SPHKAP: variants seen among roughly 807,000 people sequenced by gnomAD.
SPHKAP encodes SPHK1 interactor, AKAP domain containing, also known as A-kinase anchor protein SPHKAP.
A neutral mutation model predicts 137.5 loss-of-function variants in SPHKAP; 67 were observed. The observed-to-expected ratio is 0.49, with a 90% confidence interval of 0.40 to 0.60. The LOEUF is 0.60. Among genes scored for constraint, SPHKAP ranks in the 20% least tolerant of loss-of-function variants. The pLI, the probability that SPHKAP is intolerant of heterozygous loss-of-function variation, is 0.00. For missense variants in SPHKAP, 2,097 were observed against 2,069.3 expected, an observed-to-expected ratio of 1.01 and a Z score of -0.26; for synonymous variants, 813 against 785.3, an observed-to-expected ratio of 1.04 and a Z score of -0.59.
intron 3 of SPHKAP, among the ~76,000 whole-genome samples, chr2:228,091,907 C>A (rs1391872407): frequency 6.6e-6 from 1 of 152,000 alleles, no homozygotes; most frequent in African/African-American, 2.4e-5. Flanking sequence ...ATCCAGCAAT[C>A]CCACTACTGG....
At chr2:228,095,031 T>TGATAATCAATTTAA (rs1697936167) in intron 3 of SPHKAP, among the ~76,000 whole-genome samples, 1 of 152,198 alleles carries the variant, frequency 6.6e-6, no homozygotes, top group African/African-American at 2.4e-5. Flanking sequence ...AAAACAGCTT[T>TGATAATCAATTTAA]GATAATCAAT....
intron 2 of SPHKAP, among the ~76,000 whole-genome samples, chr2:228,117,110 T>C (rs1698737093): frequency 1.3e-5 from 2 of 152,150 alleles, no homozygotes; most frequent in South Asian, 2.1e-4. Flanking sequence ...CCACTATCTA[T>C]GAGTATTATG....
chr2:228,080,957 A>T (rs1431993769), intron 3 of SPHKAP, among the ~76,000 whole-genome samples: 2 of 152,144 alleles, frequency 1.3e-5, no homozygotes, highest in Admixed American at 1.3e-4. Context: ...AAAATTAAAA[A>T]TAGAATTACC....
intron 3 of SPHKAP, among the ~76,000 whole-genome samples, chr2:228,092,157 A>G (rs4286265): frequency 0.36 from 39,912 of 111,482 alleles, 6,028 homozygotes; most frequent in Admixed American, 0.44. Flanking sequence ...ATACATATAC[A>G]TATATGTGTG....
chr2:228,017,323 C>T lies in SPHKAP; in HGVS notation c.3531G>A (p.Arg1177=). The change falls in exon 7 of 12, where the codon AGG becomes AGA. Residue 1177 remains arginine, a synonymous_variant. Coordinates refer to ENST00000392056, the MANE Select transcript of SPHKAP (RefSeq NM_001142644.2). The part of the protein sequence containing the change: ...ACRKSDHLSV[R]PSCPSKQSST... ...TGGACTGCTTAGAGGGACAGCTAGG[C>T]CTCACACTGAGGTGGTCACTTTTCC... The T allele has an allele frequency of 1.2e-6, 2 of 1,613,790 alleles. No homozygotes were observed. Among genetic ancestry groups the T allele is most frequent in the South Asian group, 2.2e-5 (2 of 91,036 alleles).
chr2:228,011,669 C>T (rs1164437346), intron 7 of SPHKAP, among the ~76,000 whole-genome samples: 1 of 152,058 alleles, frequency 6.6e-6, no homozygotes, highest in Non-Finnish European at 1.5e-5. Context: ...ACCAAACATC[C>T]AAATCCATGG....
chr2:228,158,902 C>T (rs931631181), intron 1 of SPHKAP, among the ~76,000 whole-genome samples: 32 of 152,200 alleles, frequency 2.1e-4, no homozygotes, highest in African/African-American at 7.5e-4. Context: ...TCACCCCAAT[C>T]AAATACCAAA....
chr2:228,179,487 A>G (rs1489103494), intron 1 of SPHKAP, among the ~76,000 whole-genome samples: 1 of 152,230 alleles, frequency 6.6e-6, no homozygotes, highest in African/African-American at 2.4e-5. Context: ...ACAATGAAAT[A>G]GAGGATTGAA....
intron 3 of SPHKAP, among the ~76,000 whole-genome samples, chr2:228,097,300 A>T (rs141943565): frequency 2.6e-5 from 4 of 152,344 alleles, no homozygotes; most frequent in Non-Finnish European, 4.4e-5. Context: ...GAGAAATGGT[A>T]TAAAAACCCA....
At chr2:227,986,808 A>C (rs1693228755) in intron 11 of SPHKAP, among the ~76,000 whole-genome samples, 1 of 152,190 alleles carries the variant, frequency 6.6e-6, no homozygotes, top group Admixed American at 6.5e-5. Context: ...ATACCAATTT[A>C]CTGTGAGAGG....
intron 3 of SPHKAP, among the ~76,000 whole-genome samples, chr2:228,053,783 T>C (rs1219713441): frequency 6.6e-6 from 1 of 152,222 alleles, no homozygotes; most frequent in Non-Finnish European, 1.5e-5. Context: ...GTAATGTATT[T>C]AGCATTCTTA....
At chr2:227,983,814 A>C (rs1693099555) in intron 11 of SPHKAP, among the ~76,000 whole-genome samples, 1 of 152,214 alleles carries the variant, frequency 6.6e-6, no homozygotes, top group Non-Finnish European at 1.5e-5. Context: ...AGATCTAGGA[A>C]AAGGCTGAAC....
intron 3 of SPHKAP, among the ~76,000 whole-genome samples, chr2:228,082,577 C>T (rs528450491): frequency 1.3e-5 from 2 of 152,264 alleles, no homozygotes; most frequent in South Asian, 4.1e-4. Context: ...ATTAAGGGAT[C>T]CTCTGTCTTT....
intron 1 of SPHKAP, among the ~76,000 whole-genome samples, chr2:228,135,719 T>C (rs1699419196): frequency 6.6e-6 from 1 of 152,198 alleles, no homozygotes; most frequent in African/African-American, 2.4e-5. Context: ...TAAATTTAAC[T>C]ATATATATGC....
chr2:228,109,512 G>T, intron 2 of SPHKAP: 1 of 281,010 alleles, frequency 3.6e-6, no homozygotes, highest in Non-Finnish European at 5.4e-6. Context: ...AGCACGGTAT[G>T]GCAAAAATAA....
At chr2:228,074,014 A>G (rs1183947881) in intron 3 of SPHKAP, among the ~76,000 whole-genome samples, 3 of 152,224 alleles carry the variant, frequency 2.0e-5, no homozygotes, top group Non-Finnish European at 4.4e-5. Flanking sequence ...CAATAAATTG[A>G]AGCAGGTTCA....
chr2:228,016,607 T>C lies in SPHKAP; in HGVS notation c.4247A>G (p.His1416Arg), dbSNP rs1694603087. 2 of 1,613,992 alleles carry C rather than the reference T, an allele frequency of 1.2e-6. No homozygotes were observed. The highest frequency in any genetic ancestry group is 1.7e-6 in the Non-Finnish European group (2 of 1,180,006). ...CCTCGAGCAAAGTGATCGCCTTTTG[T>C]GGTTTATTGGTACAGGGTCCTGGCA... Reference protein sequence around the residue: ...SSCQDPVPINHKRRSLCSREV... With the variant: ...SSCQDPVPINRKRRSLCSREV... The change falls in exon 7 of 12, where the codon CAC (histidine) becomes CGC (arginine). Residue 1416 changes from histidine to arginine, a missense_variant. His to Arg is a conservative substitution (Grantham distance 29, BLOSUM62 0). Coordinates refer to ENST00000392056, the MANE Select transcript of SPHKAP (RefSeq NM_001142644.2).
chr2:228,102,111 G>A (rs961982058), intron 3 of SPHKAP, among the ~76,000 whole-genome samples: 1 of 152,076 alleles, frequency 6.6e-6, no homozygotes, highest in Non-Finnish European at 1.5e-5. Context: ...TTTCTCATGC[G>A]TATGCTAACA....
At chr2:228,151,644 A>G (rs903332137) in intron 1 of SPHKAP, among the ~76,000 whole-genome samples, 5 of 151,872 alleles carry the variant, frequency 3.3e-5, no homozygotes, top group African/African-American at 9.7e-5. Context: ...GTGAGATGGT[A>G]TCTCATTGTG....
Sources: allele counts gnomAD v4.1 joint callset (sites outside exome capture counted in the v4.1 genomes callset), GRCh38; gene constraint gnomAD v4.1.1; transcripts MANE v1.5; gene names NCBI Gene and HGNC (gene_info 2026-07-23, HGNC 2026-07-21).